Variants in CSMD1 observed in about 807,000 individuals in gnomAD.
CSMD1 encodes CUB and Sushi multiple domains 1, also known as CUB and sushi domain-containing protein 1.
CSMD1 carries 213 observed loss-of-function variants against 417.5 expected under a neutral mutation model. The ratio of observed to expected loss-of-function variants is 0.51; its 90% confidence interval spans 0.46 to 0.57. The LOEUF is 0.57. Ranked by LOEUF, CSMD1 falls within the 20% of genes least tolerant of loss-of-function variation. The pLI, the probability that CSMD1 is intolerant of heterozygous loss-of-function variation, is 0.00. For synonymous variants in CSMD1, 2,862 were observed against 1,736.8 expected (o/e 1.65, Z -16.11); for missense variants, 6,923 against 4,529.7 (o/e 1.53, Z -15.17).
At chr8:3,815,706 T>C (rs1308227900) in intron 5 of CSMD1, among the ~76,000 whole-genome samples, 2 of 151,986 alleles carry the variant, frequency 1.3e-5, no homozygotes, top group Non-Finnish European at 2.9e-5. Context: ...TTTTTCATAC[T>C]CTGAATTCTT....
chr8:3,652,886 T>C (rs1260856325), intron 7 of CSMD1, among the ~76,000 whole-genome samples: 2 of 152,164 alleles, frequency 1.3e-5, no homozygotes, highest in African/African-American at 2.4e-5. Context: ...CAGCACTCAA[T>C]ACATATTTAA....
intron 3 of CSMD1, among the ~76,000 whole-genome samples, chr8:4,177,501 GA>G (rs1174421273): frequency 6.6e-5 from 10 of 151,902 alleles, no homozygotes; most frequent in African/African-American, 2.4e-4. Flanking sequence ...ATTGACACCC[GA>G]ACATCACAAT....
At chr8:3,864,419 G>C (rs925554356) in intron 5 of CSMD1, among the ~76,000 whole-genome samples, 2 of 152,184 alleles carry the variant, frequency 1.3e-5, no homozygotes, top group African/African-American at 2.4e-5. Flanking sequence ...GAAAAAGCAT[G>C]AGAAGAAAGG....
chr8:3,911,223 G>A (rs186098259), intron 5 of CSMD1, among the ~76,000 whole-genome samples: 1 of 152,228 alleles, frequency 6.6e-6, no homozygotes, highest in East Asian at 1.9e-4. Flanking sequence ...TCTCTTGAAT[G>A]CTCATTCCAA....
intron 1 of CSMD1, among the ~76,000 whole-genome samples, chr8:4,765,377 G>C (rs1168168988): frequency 1.3e-5 from 2 of 152,118 alleles, no homozygotes; most frequent in Non-Finnish European, 2.9e-5. Flanking sequence ...CACATCATCG[G>C]ATTGTCAGAT....
intron 3 of CSMD1, among the ~76,000 whole-genome samples, chr8:4,352,477 G>C (rs533817304): frequency 1.3e-5 from 2 of 152,234 alleles, no homozygotes; most frequent in Admixed American, 6.5e-5. Context: ...ATATTCTCCA[G>C]AACATATTTT....
At chr8:3,188,614 C>A (rs1045060052) in intron 35 of CSMD1, among the ~76,000 whole-genome samples, 1 of 151,846 alleles carries the variant, frequency 6.6e-6, no homozygotes, top group Non-Finnish European at 1.5e-5. Flanking sequence ...GCTGAAAGAA[C>A]AATTTCTACA....
chr8:4,197,073 A>G (rs1799379469), intron 3 of CSMD1, among the ~76,000 whole-genome samples: 1 of 152,220 alleles, frequency 6.6e-6, no homozygotes, highest in Admixed American at 6.5e-5. Flanking sequence ...CTTGTGTTCT[A>G]TGGGAAATGA....
At chr8:4,475,390 T>C (rs1800744389) in intron 2 of CSMD1, among the ~76,000 whole-genome samples, 1 of 152,164 alleles carries the variant, frequency 6.6e-6, no homozygotes, top group Admixed American at 6.5e-5. Flanking sequence ...AAATGTGTTA[T>C]GATCCTGAAA....
chr8:4,093,376 C>T (rs13340602), intron 3 of CSMD1, among the ~76,000 whole-genome samples: 21 of 151,896 alleles, frequency 1.4e-4, no homozygotes, highest in African/African-American at 3.4e-4. Flanking sequence ...TTATATTTAA[C>T]GTGATATTTA....
chr8:4,197,278 T>G (rs1446343349), intron 3 of CSMD1, among the ~76,000 whole-genome samples: 3 of 152,222 alleles, frequency 2.0e-5, no homozygotes, highest in Non-Finnish European at 2.9e-5. Flanking sequence ...TTGAGAAGTA[T>G]TAGGCATTAA....
rs147340913 is a variant in CSMD1, at chr8:3,042,026, G to A, written c.7660+10436C>T. 2.0e-5 allele frequency among the ~76,000 whole-genome samples: 3 copies of A among 152,226 alleles called. No individual in the cohort carries two copies. In the East Asian group the frequency reaches 5.8e-4, roughly 29 times the overall value. On this transcript the variant is annotated intron_variant, in intron 50 of 69. Transcript: ENST00000635120. ...CACAGAAGCCTTAACAACTTTGTGC[G>A]GGCTCCCATGCCACTGGGAACCCAA...
intron 41 of CSMD1, among the ~76,000 whole-genome samples, chr8:3,130,107 A>G (rs1348830973): frequency 6.6e-6 from 1 of 152,194 alleles, no homozygotes; most frequent in Non-Finnish European, 1.5e-5. Flanking sequence ...GGTTTATGGC[A>G]TATAATTATG....
chr8:3,894,428 C>T lies in CSMD1; in HGVS notation c.818+103475G>A, dbSNP rs137922450. Among the ~76,000 whole-genome samples the T allele has an allele frequency of 1.8e-3, 274 of 152,144 alleles. 2 individuals are homozygous for T. Among genetic ancestry groups the T allele is most frequent in the African/African-American group, 6.1e-3 (254 of 41,518 alleles). On this transcript the variant is annotated intron_variant, in intron 5 of 69. Transcript: ENST00000635120. ...ATTTCCAAAGACCAGCATAATTTTA[C>T]GTTTTTTCAAGTAAAAGAAAATAAT...
At chr8:3,336,663 C>T (rs1466534738) in intron 23 of CSMD1, among the ~76,000 whole-genome samples, 1 of 152,150 alleles carries the variant, frequency 6.6e-6, no homozygotes, top group Non-Finnish European at 1.5e-5. Context: ...GAGCCCTGTG[C>T]CCCCATCCAG....
At chr8:2,944,519 C>A (rs188180056) in intron 68 of CSMD1, among the ~76,000 whole-genome samples, 258 of 152,202 alleles carry the variant, frequency 1.7e-3, no homozygotes, top group African/African-American at 5.9e-3. Context: ...CAATGCCTGG[C>A]ACAGAGGGAA....
rs571048491 is a variant in CSMD1, at chr8:4,038,868, A to C, written c.416-6769T>G. Among the ~76,000 whole-genome samples, 77 of 152,302 alleles carry C rather than the reference A, an allele frequency of 5.1e-4. 1 individual carries two copies. In the South Asian group the frequency reaches 0.016, roughly 31 times the overall value. ...TGTACATCAGGGCTTGAAACTTGAA[A>C]CATAGGCTGCCATTCTAAATATGCA... On this transcript the variant is annotated intron_variant, in intron 3 of 69. Coordinates refer to ENST00000635120, the MANE Select transcript of CSMD1 (RefSeq NM_033225.6).
intron 1 of CSMD1, among the ~76,000 whole-genome samples, chr8:4,886,648 T>C (rs1263958596): frequency 6.6e-6 from 1 of 152,088 alleles, no homozygotes; most frequent in Non-Finnish European, 1.5e-5. Flanking sequence ...TGAGTAGATA[T>C]TTTTATTTCC....
chr8:3,618,682 A>C (rs1187312010), intron 7 of CSMD1, among the ~76,000 whole-genome samples: 1 of 152,212 alleles, frequency 6.6e-6, no homozygotes, highest in East Asian at 1.9e-4. Context: ...CCAGAAGATT[A>C]AAATAATTTT....
Sources: gnomAD v4.1 joint callset for allele counts (sites outside exome capture counted in the v4.1 genomes callset) on GRCh38, gnomAD v4.1.1 for gene constraint, MANE v1.5 for transcripts, NCBI Gene and HGNC (gene_info 2026-07-23, HGNC 2026-07-21) for gene names.